The following ZMYM4 variants were observed in gnomAD, a reference collection of about 807,000 sequenced individuals.
ZMYM4 encodes zinc finger MYM-type protein 4.
A neutral mutation model predicts 183.2 loss-of-function variants in ZMYM4; 31 were observed. The observed-to-expected ratio is 0.17, with a 90% CI of 0.13 to 0.23. ZMYM4 has a LOEUF of 0.23. ZMYM4 is among the 10% of genes least tolerant of loss of function. ZMYM4 has a pLI of 1.00. For missense variants in ZMYM4, 1,273 were observed against 1,840.3 expected (o/e 0.69, Z 5.64); for synonymous variants, 592 against 631.2 (o/e 0.94, Z 0.93).
chr1:35,341,690 C>T (rs1395435082), intron 2 of ZMYM4, among the ~76,000 whole-genome samples: 2 of 151,744 alleles, frequency 1.3e-5, no homozygotes, highest in Non-Finnish European at 2.9e-5. Context: ...AGCTTCTTCA[C>T]ATTATATAAT....
At chr1:35,349,218 C>G (rs186378011) in intron 2 of ZMYM4, among the ~76,000 whole-genome samples, 128 of 152,178 alleles carry the variant, frequency 8.4e-4, no homozygotes, top group African/African-American at 2.9e-3. Flanking sequence ...GAACTCCTGA[C>G]CTCAAGTGAT....
intron 10 of ZMYM4, 65 bp downstream of exon 10, chr1:35,385,657 T>G: frequency 1.3e-6 from 2 of 1,507,754 alleles, no homozygotes; most frequent in South Asian, 2.7e-5. Flanking sequence ...GCTTTGTTTT[T>G]AACGGTTTTT....
intron 17 of ZMYM4, among the ~76,000 whole-genome samples, chr1:35,392,984 A>C (rs990867612): frequency 2.0e-5 from 3 of 152,222 alleles, no homozygotes; most frequent in Non-Finnish European, 4.4e-5. Flanking sequence ...TGATGTACTC[A>C]GATTATAAAT....
At position 35,381,443 on chromosome 1, in the gene ZMYM4, C is replaced by T. The variant is rs1644456209; in HGVS notation, c.1356+10C>T. On this transcript the variant is annotated intron_variant, in intron 8 of 29. Coordinates refer to ENST00000314607, the MANE Select transcript of ZMYM4 (RefSeq NM_005095.3). ...TCAGAAGAATGCTGTTGTAAGTTAC[C>T]ATTTTCCTTTATTGGGGCAGGAGTC... 1 of 1,604,446 alleles carries T rather than the reference C, an allele frequency of 6.2e-7. No individual in the cohort carries two copies. Among genetic ancestry groups the T allele is most frequent in the Non-Finnish European group, 8.5e-7 (1 of 1,173,030 alleles).
intron 2 of ZMYM4, among the ~76,000 whole-genome samples, chr1:35,354,880 A>G (rs79231646): frequency 0.021 from 3,182 of 151,974 alleles, 109 homozygotes; most frequent in African/African-American, 0.073. Flanking sequence ...GGGTTGGCAA[A>G]TGTTTTTCTG....
At chr1:35,362,190 G>A (rs758215589) in intron 5 of ZMYM4, among the ~76,000 whole-genome samples, 20 of 152,196 alleles carry the variant, frequency 1.3e-4, no homozygotes, top group Non-Finnish European at 1.0e-4. Context: ...ATATTTTTCA[G>A]GAGGGGTTAA....
intron 1 of ZMYM4, among the ~76,000 whole-genome samples, chr1:35,297,189 A>T: frequency 6.6e-6 from 1 of 151,188 alleles, no homozygotes; most frequent in African/African-American, 2.4e-5. Flanking sequence ...TTTGAGATGG[A>T]GTCTCGTTCT....
At chr1:35,323,606 C>T (rs1205649516) in intron 1 of ZMYM4, among the ~76,000 whole-genome samples, 2 of 151,626 alleles carry the variant, frequency 1.3e-5, no homozygotes, top group Non-Finnish European at 2.9e-5. Context: ...TGCAGTGGCA[C>T]GATCTCAGCT....
At chr1:35,378,147 G>A (rs1294167272) in intron 7 of ZMYM4, among the ~76,000 whole-genome samples, 1 of 152,180 alleles carries the variant, frequency 6.6e-6, no homozygotes, top group African/African-American at 2.4e-5. Context: ...CGCATCTTCA[G>A]GCTCCACTTC....
chr1:35,359,549 A>T, intron 3 of ZMYM4, 103 bp downstream of exon 3: 1 of 1,119,234 alleles, frequency 8.9e-7, no homozygotes, highest in Non-Finnish European at 1.2e-6. Flanking sequence ...TGAACGGTTA[A>T]ATTCATTGTA....
intron 21 of ZMYM4, 110 bp downstream of exon 21, chr1:35,398,576 G>A (rs1290130719): frequency 1.0e-6 from 1 of 999,254 alleles, no homozygotes; most frequent in African/African-American, 1.6e-5. Flanking sequence ...CTATTTGTAA[G>A]GGGTATCAGA....
Position 35,405,124 on chromosome 1 carries a change from G to C in ZMYM4, c.3630G>C (p.Gly1210=), listed in dbSNP as rs777081812. ...VSGMTLKYMY[G]VNAWKNWVQW... is the part of the protein sequence containing the mutation. Reference sequence around the variant, plus strand: ...GGATGACACTGAAATACATGTATGGGGTAAATGCTTGGAAGAACTGGGTTC... The same window carrying C: ...GGATGACACTGAAATACATGTATGGCGTAAATGCTTGGAAGAACTGGGTTC... Residue 1210 remains glycine (G), a synonymous_variant, in exon 24 of 30, where the codon GGG becomes GGC. Coordinates refer to ENST00000314607, the MANE Select transcript of ZMYM4 (RefSeq NM_005095.3). 6.2e-7 allele frequency: 1 copy of C among 1,614,120 alleles called. No individual in the cohort carries two copies. The highest frequency in any genetic ancestry group is 8.5e-7 in the Non-Finnish European group (1 of 1,180,002).
chr1:35,352,125 A>G (rs1327417883), intron 2 of ZMYM4, among the ~76,000 whole-genome samples: 1 of 152,254 alleles, frequency 6.6e-6, no homozygotes, highest in African/African-American at 2.4e-5. Context: ...TAGGCTGGGT[A>G]CAGTGACTTG....
chr1:35,358,558 G>T (rs1044733343), intron 2 of ZMYM4, among the ~76,000 whole-genome samples: 4 of 152,010 alleles, frequency 2.6e-5, no homozygotes, highest in African/African-American at 9.7e-5. Context: ...TATCTCCAAG[G>T]TGAGTATTAT....
chr1:35,284,197 C>T lies in ZMYM4; in HGVS notation c.39+15112C>T, dbSNP rs1463656397. 6.0e-5 allele frequency among the ~76,000 whole-genome samples: 9 copies of T among 151,114 alleles called. No individual in the cohort carries two copies. The East Asian group carries it at 1.4e-3, about 23-fold the overall frequency. ...TTCACCTTGTTAGCCAGGATGGTCT[C>T]GATCTCCTGACCTCATGATCCACCT... is the stretch of plus-strand genomic sequence containing the variant. On this transcript the variant is annotated intron_variant, in intron 1 of 29. Transcript: ENST00000314607.
chr1:35,406,302 T>C (rs1274782772), intron 25 of ZMYM4, among the ~76,000 whole-genome samples: 3 of 152,152 alleles, frequency 2.0e-5, no homozygotes, highest in Non-Finnish European at 2.9e-5. Context: ...GCTATGTAAA[T>C]ACACTCCTGT....
At chr1:35,347,767 G>A (rs1019442926) in intron 2 of ZMYM4, among the ~76,000 whole-genome samples, 2 of 152,046 alleles carry the variant, frequency 1.3e-5, no homozygotes, top group Non-Finnish European at 2.9e-5. Context: ...CATTGGTACC[G>A]TCTCCCCATA....
rs1202974581 is a variant in ZMYM4, at chr1:35,399,512, GAATCCAGGC to G, written c.3466_3474del (p.Ile1156_Ala1158del). On this transcript the variant is annotated inframe_deletion, in exon 23 of 30. Transcript: ENST00000314607. ...TTTGACCCACTTAATAAAGGACAGGGAATCCAGGCACGTTCCCGAACAAGACGACGACAC... is the reference window on the plus strand; with the variant it reads ...TTTGACCCACTTAATAAAGGACAGGGACGTTCCCGAACAAGACGACGACAC... 4 of 1,613,864 alleles carry G rather than the reference GAATCCAGGC, an allele frequency of 2.5e-6. No homozygotes were observed. The highest frequency in any genetic ancestry group is 1.3e-5 in the African/African-American group (1 of 74,882).
chr1:35,363,432 G>A (rs1643992836), intron 5 of ZMYM4, among the ~76,000 whole-genome samples: 1 of 152,148 alleles, frequency 6.6e-6, no homozygotes, highest in Non-Finnish European at 1.5e-5. Context: ...CTACATGCCA[G>A]TAGCAGCCTC....
Sources: allele counts gnomAD v4.1 joint callset (sites outside exome capture counted in the v4.1 genomes callset), GRCh38; gene constraint gnomAD v4.1.1; transcripts MANE v1.5; gene names NCBI Gene and HGNC (gene_info 2026-07-23, HGNC 2026-07-21).